The following PEBP4 variants were observed in gnomAD, a reference collection of about 807,000 sequenced individuals.
PEBP4 encodes the protein phosphatidylethanolamine-binding protein 4.
In PEBP4, 22 loss-of-function variants were observed where a neutral mutation model predicts 23.9. That is an observed-to-expected ratio of 0.92 (90% CI 0.66 to 1.31). The LOEUF (loss-of-function observed/expected upper bound fraction) is 1.31. Among genes scored for constraint, PEBP4 ranks in the 40% most tolerant of loss-of-function variants. The pLI is 0.00. For missense variants in PEBP4, 324 were observed against 281.7 expected, an observed-to-expected ratio of 1.15 and a Z score of -1.07; for synonymous variants, 112 against 99.3, an observed-to-expected ratio of 1.13 and a Z score of -0.76.
At chr8:22,830,113 TTGTGTG>T (rs3060706) in intron 3 of PEBP4, among the ~76,000 whole-genome samples, 37 of 144,250 alleles carry the variant, frequency 2.6e-4, no homozygotes, top group Non-Finnish European at 3.8e-4. Context: ...GGCTGTGGTT[TTGTGTG>T]TGTGTGTGTG....
At chr8:22,818,883 G>C (rs567939647) in intron 3 of PEBP4, among the ~76,000 whole-genome samples, 31 of 152,248 alleles carry the variant, frequency 2.0e-4, no homozygotes, top group African/African-American at 7.5e-4. Flanking sequence ...TAAGGAGGGG[G>C]ATGGAGAAAG....
At chr8:22,842,474 G>A (rs868428847) in intron 3 of PEBP4, among the ~76,000 whole-genome samples, 7 of 152,234 alleles carry the variant, frequency 4.6e-5, no homozygotes, top group South Asian at 4.1e-4. Flanking sequence ...CATATTCTGA[G>A]TAGAGTGAAT....
At chr8:22,721,598 C>A (rs1304526668) in intron 6 of PEBP4, among the ~76,000 whole-genome samples, 4 of 152,124 alleles carry the variant, frequency 2.6e-5, no homozygotes, top group Non-Finnish European at 4.4e-5. Flanking sequence ...GCCATAGACG[C>A]CCCTCTACCT....
intron 2 of PEBP4, among the ~76,000 whole-genome samples, chr8:22,922,327 G>C (rs776549591): frequency 6.6e-6 from 1 of 152,010 alleles, no homozygotes; most frequent in Non-Finnish European, 1.5e-5. Context: ...GCACAGAGCT[G>C]GTAACCAACA....
intron 4 of PEBP4, among the ~76,000 whole-genome samples, chr8:22,767,971 G>A (rs1222813870): frequency 2.0e-5 from 3 of 152,148 alleles, no homozygotes; most frequent in Non-Finnish European, 4.4e-5. Context: ...TTGACCTCAG[G>A]TGATCCGCCC....
At chr8:22,887,923 G>T (rs938754033) in intron 3 of PEBP4, 1 of 152,162 alleles carries the variant, frequency 6.6e-6, no homozygotes, top group African/African-American at 2.4e-5. Flanking sequence ...TGGGAGGGAG[G>T]TTAGCTTTTC....
At chr8:22,842,687 C>A (rs1024417875) in intron 3 of PEBP4, among the ~76,000 whole-genome samples, 1 of 152,176 alleles carries the variant, frequency 6.6e-6, no homozygotes, top group Non-Finnish European at 1.5e-5. Flanking sequence ...TTCCTACTGC[C>A]ATAAGACGCA....
intron 3 of PEBP4, among the ~76,000 whole-genome samples, chr8:22,901,071 C>T (rs1294938401): frequency 6.6e-6 from 1 of 152,214 alleles, no homozygotes; most frequent in Non-Finnish European, 1.5e-5. Flanking sequence ...TAGCCCTACA[C>T]ATTTGCTTGG....
intron 4 of PEBP4, among the ~76,000 whole-genome samples, chr8:22,731,965 G>A (rs1345597528): frequency 6.6e-6 from 1 of 151,938 alleles, no homozygotes; most frequent in Non-Finnish European, 1.5e-5. Flanking sequence ...GTGAGCCACC[G>A]CACCCAGCCC....
At position 22,879,818 on chromosome 8, in the gene PEBP4, GT is replaced by G. The variant is rs1189333193; in HGVS notation, c.258+40365del. Among the ~76,000 whole-genome samples, 15 of 152,276 alleles carry G rather than the reference GT, an allele frequency of 9.9e-5. No individual in the cohort carries two copies. The East Asian group carries it at 2.5e-3, about 25-fold the overall frequency. ...GAGATCTAAGCATTGATCGATGGGA[GT>G]TTTAATTACCAAAATTTCTCCATCC... On this transcript the variant is annotated intron_variant, in intron 3 of 6. Transcript: ENST00000256404.
chr8:22,765,148 C>CCTTCCTTCCTTCCTTT (rs1434476242), intron 4 of PEBP4, among the ~76,000 whole-genome samples: 15 of 149,340 alleles, frequency 1.0e-4, no homozygotes, highest in Non-Finnish European at 1.6e-4. Flanking sequence ...TTCCTTCCTT[C>CCTTCCTTCCTTCCTTT]CTTTCTTTCT....
intron 2 of PEBP4, among the ~76,000 whole-genome samples, chr8:22,923,317 A>G (rs1231286870): frequency 6.6e-6 from 1 of 152,148 alleles, no homozygotes; most frequent in Non-Finnish European, 1.5e-5. Flanking sequence ...CTGTAATCCC[A>G]GCACTTTGGG....
intron 4 of PEBP4, among the ~76,000 whole-genome samples, chr8:22,731,239 A>T (rs890325552): frequency 6.6e-6 from 1 of 151,768 alleles, no homozygotes; most frequent in African/African-American, 2.4e-5. Flanking sequence ...CACCTCCTCC[A>T]CCTCTTCCAC....
chr8:22,936,961 G>A (rs1809549271), intron 1 of PEBP4, among the ~76,000 whole-genome samples: 1 of 152,058 alleles, frequency 6.6e-6, no homozygotes, highest in East Asian at 1.9e-4. Context: ...TATGATAAAG[G>A]CCATATACAA....
At chr8:22,715,101 C>T (rs1370368147) in intron 6 of PEBP4, among the ~76,000 whole-genome samples, 1 of 152,192 alleles carries the variant, frequency 6.6e-6, no homozygotes, top group Non-Finnish European at 1.5e-5. Context: ...TGGGGAAAGG[C>T]CTTTGCAGAT....
intron 4 of PEBP4, among the ~76,000 whole-genome samples, chr8:22,795,739 C>CT (rs1243151282): frequency 6.6e-6 from 1 of 152,176 alleles, no homozygotes; most frequent in South Asian, 2.1e-4. Flanking sequence ...ATATTCAAGT[C>CT]TTTTACATTC....
chr8:22,940,651 G>A (rs767938592), intron 1 of PEBP4, among the ~76,000 whole-genome samples: 8 of 152,004 alleles, frequency 5.3e-5, no homozygotes, highest in Non-Finnish European at 1.0e-4. Flanking sequence ...ACCACGCCTG[G>A]TTAATTTTTT....
chr8:22,815,521 G>A (rs1806720899), intron 4 of PEBP4, among the ~76,000 whole-genome samples: 1 of 152,216 alleles, frequency 6.6e-6, no homozygotes, highest in African/African-American at 2.4e-5. Context: ...GAATTTGGTT[G>A]ACACCGTCTC....
intron 3 of PEBP4, among the ~76,000 whole-genome samples, chr8:22,901,385 C>G (rs940473757): frequency 6.6e-6 from 1 of 152,120 alleles, no homozygotes. Flanking sequence ...TCCTAGGCCT[C>G]GGGGATTCAG....
Sources: gnomAD v4.1 joint callset for allele counts (sites outside exome capture counted in the v4.1 genomes callset) on GRCh38, gnomAD v4.1.1 for gene constraint, MANE v1.5 for transcripts, NCBI Gene and HGNC (gene_info 2026-07-23, HGNC 2026-07-21) for gene names.